MME: variants seen among roughly 807,000 people sequenced by gnomAD.
The protein encoded by MME is membrane metalloendopeptidase.
Under a neutral mutation model 113.2 loss-of-function variants are expected in MME, and 98 were observed. The observed-to-expected ratio is 0.87, with a 90% CI of 0.74 to 1.02. The LOEUF is 1.02. Ranked by LOEUF, MME falls within the 50% of genes least tolerant of loss-of-function variation. The probability of loss-of-function intolerance (pLI) is 0.00; values close to 1 mark genes in which losing one functional copy is unlikely to be tolerated. For synonymous variants in MME, 292 were observed against 300.6 expected, an observed-to-expected ratio of 0.97 and a Z score of 0.30; for missense variants, 836 against 896.0, an observed-to-expected ratio of 0.93 and a Z score of 0.86.
intron 1 of MME, among the ~76,000 whole-genome samples, chr3:155,056,931 A>T (rs1232557133): frequency 3.9e-5 from 6 of 152,332 alleles, no homozygotes; most frequent in African/African-American, 1.4e-4. Context: ...CTTACACCTT[A>T]TACAAAAATT....
chr3:155,142,505 G>C (rs552001509), intron 12 of MME, among the ~76,000 whole-genome samples, 175 bp downstream of exon 12: 2 of 152,178 alleles, frequency 1.3e-5, no homozygotes, highest in African/African-American at 4.8e-5. Context: ...ATCTTCATGG[G>C]CTTTACCATC....
intron 3 of MME, among the ~76,000 whole-genome samples, chr3:155,113,589 A>G (rs1224671445): frequency 1.3e-5 from 2 of 152,132 alleles, no homozygotes; most frequent in African/African-American, 4.8e-5. Context: ...AGCCACTGAC[A>G]TTTTTCAGCA....
At chr3:155,118,675 C>A in intron 7 of MME, 71 bp from the exon 8 acceptor site, 1 of 966,144 alleles carries the variant, frequency 1.0e-6, no homozygotes, top group Non-Finnish European at 1.6e-6. Context: ...CATAGATAGA[C>A]ATGCTTGTAT....
intron 1 of MME, among the ~76,000 whole-genome samples, chr3:155,074,354 ATTCAGTTATAGGT>A (rs564067884): frequency 7.9e-5 from 12 of 152,172 alleles, no homozygotes; most frequent in African/African-American, 2.9e-4. Flanking sequence ...TTTTTATTGC[ATTCAGTTATAGGT>A]TTCTTCACTT....
At chr3:155,139,514 T>C (rs1720892651) in intron 9 of MME, among the ~76,000 whole-genome samples, 1 of 152,232 alleles carries the variant, frequency 6.6e-6, no homozygotes. Context: ...ACCTTTTGTC[T>C]CTTCTCACTT....
intron 1 of MME, among the ~76,000 whole-genome samples, chr3:155,067,473 G>C (rs1023053671): frequency 3.3e-5 from 5 of 151,568 alleles, no homozygotes; most frequent in African/African-American, 1.2e-4. Flanking sequence ...ACCATGCCTG[G>C]CTAATTTTTG....
chr3:155,079,624 A>AGGGGGGGGGGGGGGGGGGGG (rs1559902583), upstream of MME: 1 of 1,910 alleles, frequency 5.2e-4, no homozygotes, highest in Non-Finnish European at 1.1e-3. Context: ...GAGGCGGGGT[A>AGGGGGGGGGGGGGGGGGGGG]GGGGGTGGGG....
chr3:155,174,379 T>A (rs867802681), intron 22 of MME, among the ~76,000 whole-genome samples: 13 of 121,948 alleles, frequency 1.1e-4, no homozygotes, highest in South Asian at 5.3e-4. Context: ...TGTGTGTGTG[T>A]GAAGGGTAAA....
At chr3:155,117,752 G>A (rs930206974) in intron 7 of MME, among the ~76,000 whole-genome samples, 4 of 152,010 alleles carry the variant, frequency 2.6e-5, no homozygotes, top group African/African-American at 9.7e-5. Context: ...CTCCTGCAGT[G>A]GGCTCTCTCT....
At chr3:155,112,732 A>G (rs73010302) in intron 3 of MME, 2,746 of 152,452 alleles carry the variant, frequency 0.018, 79 homozygotes, top group African/African-American at 0.062. Flanking sequence ...TCTGGAGGCA[A>G]TGAACTGAGA....
chr3:155,055,823 A>G (rs1348020705), intron 1 of MME, among the ~76,000 whole-genome samples: 1 of 152,148 alleles, frequency 6.6e-6, no homozygotes, highest in Non-Finnish European at 1.5e-5. Context: ...ATTGAGATGT[A>G]TACTTACGAC....
At chr3:155,025,521 G>A (rs1214617981) in intron 1 of MME, among the ~76,000 whole-genome samples, 1 of 150,366 alleles carries the variant, frequency 6.7e-6, no homozygotes, top group East Asian at 2.0e-4. Context: ...CTACTCAGGA[G>A]GCTGAACCAG....
chr3:155,029,308 A>T (rs951182650), intron 1 of MME, among the ~76,000 whole-genome samples: 5 of 152,068 alleles, frequency 3.3e-5, no homozygotes, highest in African/African-American at 9.7e-5. Context: ...GAGTTTCATA[A>T]ACCTTTTATA....
intron 20 of MME, among the ~76,000 whole-genome samples, chr3:155,170,450 G>A (rs1286591407): frequency 6.6e-6 from 1 of 152,040 alleles, no homozygotes; most frequent in Non-Finnish European, 1.5e-5. Context: ...ATCTTTTTGG[G>A]TCTTCCTTTT....
At chr3:155,101,543 T>C (rs1717224026) in intron 3 of MME, among the ~76,000 whole-genome samples, 1 of 152,160 alleles carries the variant, frequency 6.6e-6, no homozygotes, top group South Asian at 2.1e-4. Context: ...CCTTCTCCCA[T>C]AGGGATTTCA....
intron 8 of MME, among the ~76,000 whole-genome samples, chr3:155,135,768 A>T (rs928659112): frequency 1.3e-5 from 2 of 152,204 alleles, no homozygotes; most frequent in Non-Finnish European, 2.9e-5. Context: ...GTCCATAAGC[A>T]TGAAATATTT....
chr3:155,026,433 A>G (rs192476657), intron 1 of MME, among the ~76,000 whole-genome samples: 89 of 152,260 alleles, frequency 5.8e-4, no homozygotes, highest in Non-Finnish European at 1.1e-3. Flanking sequence ...TGTAAGAAAA[A>G]TAAGCCTTGG....
chr3:155,059,373 G>A (rs76908041), intron 1 of MME, among the ~76,000 whole-genome samples: 6,641 of 149,978 alleles, frequency 0.044, 160 homozygotes, highest in African/African-American at 0.054. Flanking sequence ...TATTTATAAA[G>A]AGCTTTCTGT....
At position 155,083,999 on chromosome 3, in the gene MME, C is replaced by T; in HGVS notation, c.-10-159C>T. The T allele has an allele frequency of 4.6e-6, 3 of 653,970 alleles. No individual in the cohort carries two copies. In the South Asian group the frequency reaches 5.8e-5, roughly 13 times the overall value. 40.5% of individuals were successfully genotyped at this position (653,970 alleles called of 1,614,324 possible). A position where few individuals can be genotyped will look rare whatever the true frequency, so the allele number is the denominator to read the frequency against. ...TGTCAAATTCATTTGGCTCTATATA[C>T]TTTGCATTCAGCAACAAAATTTTGA... is the stretch of plus-strand genomic sequence containing the variant. On this transcript the variant is annotated intron_variant, in intron 1 of 22. Coordinates refer to ENST00000360490, the MANE Select transcript of MME (RefSeq NM_007289.4).
Sources: gnomAD v4.1 joint callset for allele counts (sites outside exome capture counted in the v4.1 genomes callset) on GRCh38, gnomAD v4.1.1 for gene constraint, MANE v1.5 for transcripts, NCBI Gene and HGNC (gene_info 2026-07-23, HGNC 2026-07-21) for gene names.